Variants in SIMC1 observed in about 807,000 individuals in gnomAD.
SIMC1 encodes the protein SUMO interacting motifs containing 1.
SIMC1 carries 55 observed loss-of-function variants against 82.3 expected under a neutral mutation model. The observed-to-expected ratio is 0.67, with a 90% CI of 0.54 to 0.84. The LOEUF (loss-of-function observed/expected upper bound fraction) is 0.84. Among genes scored for constraint, SIMC1 ranks in the 40% least tolerant of loss-of-function variants. SIMC1 has a pLI of 0.00. For synonymous variants in SIMC1, 353 were observed against 426.3 expected (o/e 0.83, Z 2.12); for missense variants, 915 against 1,107.2 (o/e 0.83, Z 2.46).
intron 9 of SIMC1, among the ~76,000 whole-genome samples, chr5:176,338,488 T>C (rs555049536): frequency 2.0e-5 from 3 of 152,262 alleles, no homozygotes; most frequent in African/African-American, 7.2e-5. Context: ...TTCGGACAAT[T>C]GGTAAAACTT....
intron 9 of SIMC1, among the ~76,000 whole-genome samples, chr5:176,339,022 G>A (rs1561736453): frequency 6.6e-6 from 1 of 152,150 alleles, no homozygotes; most frequent in Admixed American, 6.5e-5. Context: ...GCAGAGGTAG[G>A]CTAAGGGTCT....
chr5:176,301,651 C>A (rs1466055647), intron 4 of SIMC1, among the ~76,000 whole-genome samples: 2 of 152,010 alleles, frequency 1.3e-5, no homozygotes, highest in African/African-American at 4.8e-5. Flanking sequence ...TGGTGGCATG[C>A]ACCTGAAATC....
chr5:176,298,150 G>A (rs1763900085), intron 4 of SIMC1, among the ~76,000 whole-genome samples: 1 of 152,196 alleles, frequency 6.6e-6, no homozygotes, highest in Non-Finnish European at 1.5e-5. Context: ...CAAGAACATA[G>A]TCTATCAAAA....
At chr5:176,276,373 A>G (rs1349211450) in intron 1 of SIMC1, among the ~76,000 whole-genome samples, 1 of 149,036 alleles carries the variant, frequency 6.7e-6, no homozygotes, top group Non-Finnish European at 1.5e-5. Context: ...TTTTTTCTTT[A>G]TTAGTCTTGC....
intron 1 of SIMC1, among the ~76,000 whole-genome samples, chr5:176,257,720 A>T (rs920792422): frequency 9.9e-5 from 15 of 152,176 alleles, no homozygotes; most frequent in African/African-American, 3.6e-4. Flanking sequence ...CCCCCAAAAA[A>T]ATGTCCTGGC....
intron 7 of SIMC1, among the ~76,000 whole-genome samples, chr5:176,328,109 C>T (rs72825327): frequency 0.14 from 21,028 of 152,142 alleles, 1,492 homozygotes; most frequent in Middle Eastern, 0.21. Flanking sequence ...GATAAGTTGG[C>T]CAGGCTGGTC....
At chr5:176,269,744 T>C (rs1762345332) in intron 1 of SIMC1, among the ~76,000 whole-genome samples, 1 of 151,978 alleles carries the variant, frequency 6.6e-6, no homozygotes, top group African/African-American at 2.4e-5. Context: ...CACATAAACA[T>C]GCAAATTTTT....
In SIMC1 at chr5:176,313,724, C is replaced by T. The variant is rs545063224; in HGVS notation, c.1768C>T (p.Arg590Cys). The T allele has an allele frequency of 1.9e-5, 30 of 1,613,786 alleles. No homozygotes were observed. Among genetic ancestry groups the T allele is most frequent in the Admixed American group, 3.3e-5 (2 of 59,990 alleles). Reference protein sequence around the residue: ...QTLPGRVLFLRYVVQTLEDDF... With the variant: ...QTLPGRVLFLCYVVQTLEDDF... The stretch of plus-strand genomic sequence containing the variant: ...TCTGCCTGGGCGAGTCCTTTTCCTG[C>T]GTTATGTCGTTCAGACCCTAGAAGA... Residue 590 changes from arginine (R) to cysteine (C), a missense_variant, in exon 5 of 10, where the codon CGT becomes TGT. Physicochemically the swap from Arg to Cys is radical, Grantham distance 180. Transcript: ENST00000429602.
rs775185530 is a variant in SIMC1 at position 176,290,377 on chromosome 5, C to T, written c.853C>T (p.Leu285=). 2 of 1,613,986 alleles carry T rather than the reference C, an allele frequency of 1.2e-6. No individual in the cohort carries two copies. Among genetic ancestry groups the T allele is most frequent in the Non-Finnish European group, 1.7e-6 (2 of 1,179,886 alleles). ...IPGPPQDSLG[L]PQDVPGLPQS... ...AGGCCCACCTCAAGACTCTCTGGGC[C>T]TACCTCAAGATGTGCCAGGGCTGCC... Residue 285 remains leucine, a synonymous_variant, in exon 2 of 10, where the codon CTA becomes TTA. Coordinates refer to ENST00000429602, the MANE Select transcript of SIMC1 (RefSeq NM_001308195.2).
rs780780652 is a variant in SIMC1 at position 176,313,826 on chromosome 5, A to G, written c.1870A>G (p.Lys624Glu). The change falls in exon 5 of 10, where the codon AAG becomes GAG. Residue 624 changes from lysine to glutamate, a missense_variant. By Grantham distance (56) the Lys-to-Glu change is moderately conservative. Around this residue, in one of 2 missense-constraint regions of SIMC1, gnomAD observed 902 missense variants for 1,040.3 expected, o/e 0.87. Transcript: ENST00000429602. Reference protein sequence around the residue: ...SIANMVLSCDKQPHNVRDVIK... With the variant: ...SIANMVLSCDEQPHNVRDVIK... Reference sequence around the variant, plus strand: ...TGCAAACATGGTGCTTTCCTGTGACAAGCAGCCCCACAATGTCAGGTAAGC... The same window carrying G: ...TGCAAACATGGTGCTTTCCTGTGACGAGCAGCCCCACAATGTCAGGTAAGC... 5 of 1,613,542 alleles carry G rather than the reference A, an allele frequency of 3.1e-6. No homozygotes were observed. The East Asian group carries it at 1.1e-4, about 36-fold the overall frequency.
At chr5:176,276,420 C>T (rs1462996445) in intron 1 of SIMC1, among the ~76,000 whole-genome samples, 1 of 150,860 alleles carries the variant, frequency 6.6e-6, no homozygotes, top group Non-Finnish European at 1.5e-5. Context: ...TTTCAAAAAA[C>T]CAGATCCTGG....
chr5:176,335,107 A>AT (rs529411055), intron 7 of SIMC1, among the ~76,000 whole-genome samples: 1,708 of 150,562 alleles, frequency 0.011, 17 homozygotes, highest in Middle Eastern at 0.048. Context: ...AAAAAAAAAA[A>AT]AATAATAATA....
intron 1 of SIMC1, among the ~76,000 whole-genome samples, chr5:176,261,424 T>C (rs1762011230): frequency 1.3e-5 from 2 of 152,210 alleles, no homozygotes; most frequent in African/African-American, 4.8e-5. Context: ...ACAAATGCTT[T>C]TTAAAATTTA....
intron 1 of SIMC1, among the ~76,000 whole-genome samples, chr5:176,275,765 G>A (rs535933168): frequency 9.2e-5 from 14 of 151,762 alleles, no homozygotes; most frequent in Non-Finnish European, 1.9e-4. Context: ...TTTATATGCT[G>A]GATTACATTT....
At chr5:176,269,736 C>T (rs2560182) in intron 1 of SIMC1, among the ~76,000 whole-genome samples, 12 of 152,208 alleles carry the variant, frequency 7.9e-5, no homozygotes, top group South Asian at 6.2e-4. Flanking sequence ...AAAAATCCCA[C>T]ATAAACATGC....
intron 7 of SIMC1, among the ~76,000 whole-genome samples, chr5:176,333,826 G>A (rs1330983314): frequency 6.6e-6 from 1 of 151,948 alleles, no homozygotes; most frequent in African/African-American, 2.4e-5. Context: ...GATCACTGAG[G>A]CTCTGTTTTT....
intron 5 of SIMC1, among the ~76,000 whole-genome samples, chr5:176,314,124 G>T (rs529203867): frequency 1.3e-5 from 2 of 152,248 alleles, no homozygotes; most frequent in East Asian, 3.9e-4. Context: ...CAAATTAGCA[G>T]GGCGTGGTGG....
intron 1 of SIMC1, among the ~76,000 whole-genome samples, chr5:176,244,335 G>A (rs375524470): frequency 7.3e-5 from 9 of 123,758 alleles, no homozygotes; most frequent in African/African-American, 1.9e-4. Context: ...AAAACTTAAC[G>A]ATGCCTGTGG....
At chr5:176,263,472 T>A in intron 1 of SIMC1, 1 of 1,546,232 alleles carries the variant, frequency 6.5e-7, no homozygotes, top group Non-Finnish European at 8.7e-7. Context: ...TCAGGAAGCT[T>A]CCAACCATGG....
Sources: gnomAD v4.1 joint callset for allele counts (sites outside exome capture counted in the v4.1 genomes callset) on GRCh38, gnomAD v4.1.1 for gene constraint, gnomAD v4.1.1 regional missense constraint, MANE v1.5 for transcripts, NCBI Gene and HGNC (gene_info 2026-07-23, HGNC 2026-07-21) for gene names.